Variants in PPP2R5E observed in about 807,000 individuals in gnomAD.
PPP2R5E encodes protein phosphatase 2 regulatory subunit B'epsilon.
Under a neutral mutation model 65.3 loss-of-function variants are expected in PPP2R5E, and 4 were observed. The observed-to-expected ratio is 0.06, with a 90% CI of 0.03 to 0.14. The LOEUF is 0.14. Among genes scored for constraint, PPP2R5E ranks in the 10% least tolerant of loss-of-function variants. The probability of loss-of-function intolerance (pLI) is 1.00; values close to 1 mark genes in which losing one functional copy is unlikely to be tolerated. For missense variants in PPP2R5E, 274 were observed against 556.1 expected, an observed-to-expected ratio of 0.49 and a Z score of 5.10; for synonymous variants, 183 against 187.4, an observed-to-expected ratio of 0.98 and a Z score of 0.19.
At chr14:63,398,462 G>C (rs1383701353) in intron 5 of PPP2R5E, among the ~76,000 whole-genome samples, 1 of 152,162 alleles carries the variant, frequency 6.6e-6, no homozygotes, top group African/African-American at 2.4e-5. Context: ...TTTTCAACAA[G>C]AATGGTCAAT....
At chr14:63,483,432 AGGG>A (rs10545947) in intron 2 of PPP2R5E, among the ~76,000 whole-genome samples, 48,893 of 151,718 alleles carry the variant, frequency 0.32, 10,344 homozygotes, top group African/African-American at 0.61. Context: ...AGCAAAAAGA[AGGG>A]GTTGGCCAGA....
chr14:63,464,271 G>T (rs370202032), intron 2 of PPP2R5E, among the ~76,000 whole-genome samples: 2 of 152,148 alleles, frequency 1.3e-5, no homozygotes, highest in African/African-American at 4.8e-5. Context: ...CATGTTATAC[G>T]GTGTATGCTA....
Position 63,543,354 on chromosome 14 carries a change from G to C in PPP2R5E, c.-583C>G, listed in dbSNP as rs1433406753. On this transcript the variant is annotated 5_prime_UTR_variant, in exon 1 of 14. Coordinates refer to ENST00000337537, the MANE Select transcript of PPP2R5E (RefSeq NM_006246.5). ...CCGGGCGGCTGAGTCCATGGCACAC[G>C]CGCAACCGAACCTTCTGGCCAGCAG... 1 of 153,064 alleles carries C rather than the reference G, an allele frequency of 6.5e-6. No homozygotes were observed. The highest frequency in any genetic ancestry group is 1.5e-5 in the Non-Finnish European group (1 of 68,426). 9.5% of individuals were successfully genotyped at this position (153,064 alleles called of 1,614,324 possible). A position where few individuals can be genotyped will look rare whatever the true frequency, so the allele number is the denominator to read the frequency against.
chr14:63,472,700 C>T (rs1471835753), intron 2 of PPP2R5E, among the ~76,000 whole-genome samples: 2 of 152,282 alleles, frequency 1.3e-5, no homozygotes, highest in African/African-American at 4.8e-5. Flanking sequence ...AAGAACAGCA[C>T]AGAGGTGAGA....
At chr14:63,402,293 G>C (rs1427323158) in intron 5 of PPP2R5E, among the ~76,000 whole-genome samples, 2 of 152,198 alleles carry the variant, frequency 1.3e-5, no homozygotes, top group Non-Finnish European at 2.9e-5. Context: ...TCCCTGACCA[G>C]TTATGCCATT....
chr14:63,504,273 A>C (rs1892049393), intron 2 of PPP2R5E, among the ~76,000 whole-genome samples: 1 of 151,826 alleles, frequency 6.6e-6, no homozygotes, highest in Admixed American at 6.6e-5. Context: ...AAACAAAAAC[A>C]AAAAAAACCC....
Position 63,490,218 on chromosome 14 carries a change from T to G in PPP2R5E, c.158-36333A>C, listed in dbSNP as rs72714287. 6.9e-3 allele frequency among the ~76,000 whole-genome samples: 1,044 copies of G among 152,174 alleles called. 12 individuals carry two copies. The highest frequency in any genetic ancestry group is 0.024 in the African/African-American group (976 of 41,524). On this transcript the variant is annotated intron_variant, in intron 2 of 13. Transcript: ENST00000337537. ...AGTCAATAAATGGTGCTGGGAAAAC[T>G]GGCTAACCATATGCAGAACGAAACT...
intron 3 of PPP2R5E, among the ~76,000 whole-genome samples, chr14:63,446,751 C>T (rs1486509666): frequency 6.7e-6 from 1 of 148,914 alleles, no homozygotes; most frequent in African/African-American, 2.5e-5. Context: ...ATGGCGTGAA[C>T]CCAGGAGGCA....
chr14:63,430,421 G>GCATACATACATACATACATACATA (rs1173499980), intron 3 of PPP2R5E, among the ~76,000 whole-genome samples: 2 of 144,074 alleles, frequency 1.4e-5, no homozygotes, highest in African/African-American at 5.3e-5. Context: ...ATACATACAT[G>GCATACATACATACATACATACATA]CATACATACA....
chr14:63,463,369 T>TGGCCTCGTGATCGCC (rs777531447), intron 2 of PPP2R5E, among the ~76,000 whole-genome samples: 2 of 151,532 alleles, frequency 1.3e-5, no homozygotes, highest in Non-Finnish European at 2.9e-5. Flanking sequence ...ATCGAACTCC[T>TGGCCTCGTGATCGCC]GGCCTCGTGA....
intron 3 of PPP2R5E, among the ~76,000 whole-genome samples, chr14:63,432,689 AGAAAGAAAGATTCAAG>A (rs1887739826): frequency 6.6e-6 from 1 of 152,138 alleles, no homozygotes. Context: ...GAGGGAAGAA[AGAAAGAAAGATTCAAG>A]GGAAAAAGAA....
rs199591299 is a variant in PPP2R5E at position 63,461,640 on chromosome 14, T to TAAAA, written c.158-7759_158-7756dup. On this transcript the variant is annotated intron_variant, in intron 2 of 13. Transcript: ENST00000337537. ...AGCGAGATCGCGTCTCTACAAAATTTAAAAAAAAAAAAAAATTGCTGGGCT... is the reference window on the plus strand; with the variant it reads ...AGCGAGATCGCGTCTCTACAAAATTTAAAAAAAAAAAAAAAAAAATTGCTGGGCT... 5.7e-5 allele frequency among the ~76,000 whole-genome samples: 8 copies of TAAAA among 139,802 alleles called. No homozygotes were observed. The East Asian group carries it at 1.3e-3, about 22-fold the overall frequency. The allele number at this position is 139,802 out of a possible 152,430, so 91.7% of individuals were successfully genotyped here.
At chr14:63,434,472 C>T (rs1887854728) in intron 3 of PPP2R5E, among the ~76,000 whole-genome samples, 1 of 152,152 alleles carries the variant, frequency 6.6e-6, no homozygotes, top group South Asian at 2.1e-4. Flanking sequence ...TACACAACCT[C>T]CCCAAAAAGA....
At chr14:63,379,996 G>A (rs1478955774) in intron 13 of PPP2R5E, among the ~76,000 whole-genome samples, 2 of 151,538 alleles carry the variant, frequency 1.3e-5, no homozygotes, top group Non-Finnish European at 2.9e-5. Context: ...CACCGTGCCT[G>A]GCTAATTTTC....
chr14:63,431,722 T>C (rs1388012039), intron 3 of PPP2R5E, among the ~76,000 whole-genome samples: 1 of 152,188 alleles, frequency 6.6e-6, no homozygotes, highest in Non-Finnish European at 1.5e-5. Flanking sequence ...AACATGCACT[T>C]GTGACAGTTG....
chr14:63,406,530 T>G (rs1259428953), intron 5 of PPP2R5E, among the ~76,000 whole-genome samples: 1 of 152,118 alleles, frequency 6.6e-6, no homozygotes. Flanking sequence ...CTCACTTACC[T>G]AGAGACCAAC....
chr14:63,408,657 TATAA>T (rs1298256565), intron 5 of PPP2R5E, among the ~76,000 whole-genome samples: 1 of 152,264 alleles, frequency 6.6e-6, no homozygotes, highest in African/African-American at 2.4e-5. Context: ...TGCACTAATG[TATAA>T]ATAATTTGGA....
intron 3 of PPP2R5E, among the ~76,000 whole-genome samples, chr14:63,432,088 A>G (rs546953858): frequency 3.9e-5 from 6 of 152,274 alleles, no homozygotes; most frequent in Admixed American, 3.9e-4. Flanking sequence ...AGAATTTTTA[A>G]ATATAGCCAA....
At chr14:63,470,485 G>A (rs1890060793) in intron 2 of PPP2R5E, among the ~76,000 whole-genome samples, 1 of 149,722 alleles carries the variant, frequency 6.7e-6, no homozygotes, top group Non-Finnish European at 1.5e-5. Context: ...AAACCGACTT[G>A]CCCTCTGATA....
Sources: allele counts gnomAD v4.1 joint callset (sites outside exome capture counted in the v4.1 genomes callset), GRCh38; gene constraint gnomAD v4.1.1; transcripts MANE v1.5; gene names NCBI Gene and HGNC (gene_info 2026-07-23, HGNC 2026-07-21).